Variants in GPC6 observed in about 807,000 individuals in gnomAD.
GPC6 encodes the protein glypican-6.
GPC6 carries 14 observed loss-of-function variants against 55.2 expected under a neutral mutation model. The observed-to-expected ratio is 0.25, with a 90% confidence interval of 0.17 to 0.40. The LOEUF (loss-of-function observed/expected upper bound fraction) is 0.40. GPC6 is among the 10% of genes least tolerant of loss of function. GPC6 has a pLI of 1.00. For synonymous variants in GPC6, 278 were observed against 259.6 expected (o/e 1.07, Z -0.68); for missense variants, 641 against 708.5 (o/e 0.90, Z 1.08).
At chr13:93,805,432 A>AT (rs1369791313) in intron 2 of GPC6, among the ~76,000 whole-genome samples, 1 of 152,182 alleles carries the variant, frequency 6.6e-6, no homozygotes, top group African/African-American at 2.4e-5. Flanking sequence ...GAAAGAATAT[A>AT]TAAAAATAAT....
intron 3 of GPC6, chr13:93,830,884 A>G: frequency 3.9e-6 from 1 of 258,912 alleles, no homozygotes; most frequent in South Asian, 4.6e-5. Flanking sequence ...TTTAAGGATG[A>G]TAAATACTCA....
intron 3 of GPC6, among the ~76,000 whole-genome samples, chr13:93,868,942 G>A (rs565223583): frequency 3.4e-4 from 52 of 151,852 alleles, no homozygotes; most frequent in Non-Finnish European, 6.2e-4. Context: ...AGAGAAGTTC[G>A]GAACTGCTTC....
chr13:94,392,190 TATA>T (rs1880676940), intron 7 of GPC6, among the ~76,000 whole-genome samples: 1 of 152,082 alleles, frequency 6.6e-6, no homozygotes, highest in African/African-American at 2.4e-5. Context: ...TATTCATGTA[TATA>T]ATAATGAGAT....
Position 93,767,202 on chromosome 13 carries a change from G to A in GPC6, c.320-62952G>A, listed in dbSNP as rs1363279077. On this transcript the variant is annotated intron_variant, in intron 2 of 8. Transcript: ENST00000377047. ...GGTACTCCTTTTTTTAGATAATTTCGGCTGCTTATCAGAACAGAAGCAGCT... is the reference window on the plus strand; with the variant it reads ...GGTACTCCTTTTTTTAGATAATTTCAGCTGCTTATCAGAACAGAAGCAGCT... Among the ~76,000 whole-genome samples, 8 of 151,970 alleles carry A rather than the reference G, an allele frequency of 5.3e-5. No homozygotes were observed. In the South Asian group the frequency reaches 1.2e-3, roughly 24 times the overall value.
chr13:93,266,830 C>T (rs1877340913), intron 1 of GPC6, among the ~76,000 whole-genome samples: 1 of 152,086 alleles, frequency 6.6e-6, no homozygotes, highest in Admixed American at 6.5e-5. Flanking sequence ...TTACATATAG[C>T]CTTGTGGCTT....
chr13:93,579,040 A>G (rs555436117), intron 2 of GPC6, among the ~76,000 whole-genome samples: 5 of 152,124 alleles, frequency 3.3e-5, no homozygotes, highest in Non-Finnish European at 7.4e-5. Context: ...TGTTGGAGCT[A>G]AAAAACTAGA....
intron 3 of GPC6, among the ~76,000 whole-genome samples, chr13:94,011,187 G>A (rs1882233409): frequency 6.6e-6 from 1 of 152,128 alleles, no homozygotes; most frequent in African/African-American, 2.4e-5. Flanking sequence ...TGGAGGAGAT[G>A]TCAGGAAAAA....
intron 4 of GPC6, among the ~76,000 whole-genome samples, chr13:94,070,923 A>G (rs1884708915): frequency 6.6e-6 from 1 of 152,234 alleles, no homozygotes; most frequent in Non-Finnish European, 1.5e-5. Flanking sequence ...GGAAATCTAA[A>G]AACAGAATTG....
chr13:94,012,288 A>C (rs543486978), intron 3 of GPC6, among the ~76,000 whole-genome samples: 42 of 152,250 alleles, frequency 2.8e-4, no homozygotes, highest in Non-Finnish European at 5.0e-4. Flanking sequence ...GCTTTTCAGA[A>C]AAGGTCCATG....
intron 2 of GPC6, among the ~76,000 whole-genome samples, chr13:93,786,758 A>G (rs1047550504): frequency 1.2e-4 from 16 of 132,710 alleles, no homozygotes; most frequent in African/African-American, 4.6e-4. Context: ...ATTTGAACAA[A>G]AAATTATATA....
chr13:93,287,660 A>G (rs1878180708), intron 1 of GPC6, among the ~76,000 whole-genome samples: 1 of 152,250 alleles, frequency 6.6e-6, no homozygotes, highest in Non-Finnish European at 1.5e-5. Context: ...TTCAAATATT[A>G]GAAGGTGTAA....
intron 1 of GPC6, among the ~76,000 whole-genome samples, chr13:93,308,064 C>G (rs964558829): frequency 6.6e-6 from 1 of 152,082 alleles, no homozygotes; most frequent in Non-Finnish European, 1.5e-5. Context: ...GTGGGCGGAT[C>G]ACGAAGTCAG....
chr13:93,702,563 C>T, intron 2 of GPC6, among the ~76,000 whole-genome samples: 1 of 152,044 alleles, frequency 6.6e-6, no homozygotes, highest in East Asian at 1.9e-4. Context: ...TCCTCTCCAG[C>T]TGTGAATGTC....
At chr13:93,338,677 A>G (rs1196549629) in intron 1 of GPC6, among the ~76,000 whole-genome samples, 1 of 152,224 alleles carries the variant, frequency 6.6e-6, no homozygotes, top group African/African-American at 2.4e-5. Context: ...TTTGAACTAA[A>G]GTCATCTTCC....
At chr13:93,738,969 A>ACT (rs1207914474) in intron 2 of GPC6, among the ~76,000 whole-genome samples, 1 of 146,978 alleles carries the variant, frequency 6.8e-6, no homozygotes, top group Admixed American at 6.8e-5. Flanking sequence ...ACACACACAC[A>ACT]CACTCACACA....
chr13:93,772,617 G>GA (rs1285917292), intron 2 of GPC6, among the ~76,000 whole-genome samples: 2 of 152,036 alleles, frequency 1.3e-5, no homozygotes, highest in Admixed American at 1.3e-4. Context: ...GTTTGGTTAG[G>GA]AAAGTCCTAT....
chr13:93,398,483 GGGAGGAGTGTT>G (rs1454992386), intron 1 of GPC6, among the ~76,000 whole-genome samples: 39 of 152,308 alleles, frequency 2.6e-4, no homozygotes, highest in African/African-American at 9.4e-4. Context: ...GCTGTAGCAA[GGGAGGAGTGTT>G]GAGGACATGA....
intron 6 of GPC6, among the ~76,000 whole-genome samples, chr13:94,355,720 C>G (rs1215710053): frequency 1.3e-5 from 2 of 152,160 alleles, no homozygotes; most frequent in African/African-American, 4.8e-5. Flanking sequence ...CAGTCCCCCC[C>G]TCCACTTTAG....
intron 1 of GPC6, among the ~76,000 whole-genome samples, chr13:93,339,003 C>T (rs1049087448): frequency 1.5e-4 from 23 of 152,046 alleles, no homozygotes; most frequent in African/African-American, 2.7e-4. Flanking sequence ...AAAGCATTTA[C>T]GCCCCAAAGA....
Sources: allele counts gnomAD v4.1 joint callset (sites outside exome capture counted in the v4.1 genomes callset), GRCh38; gene constraint gnomAD v4.1.1; transcripts MANE v1.5; gene names NCBI Gene and HGNC (gene_info 2026-07-23, HGNC 2026-07-21).